The following CFAP46 variants were observed in gnomAD, a reference collection of about 807,000 sequenced individuals.
CFAP46 encodes cilia and flagella associated protein 46.
Under a neutral mutation model 325.7 loss-of-function variants are expected in CFAP46, and 245 were observed. That is an observed-to-expected ratio of 0.75 (90% CI 0.68 to 0.84). The LOEUF (loss-of-function observed/expected upper bound fraction) is 0.84, where lower values mean the gene tolerates loss of function less well. CFAP46 is among the 40% of genes least tolerant of loss of function. The pLI, the probability that CFAP46 is intolerant of heterozygous loss-of-function variation, is 0.00. For synonymous variants in CFAP46, 1,523 were observed against 1,495.9 expected (o/e 1.02, Z -0.42); for missense variants, 3,346 against 3,543.0 (o/e 0.94, Z 1.41).
chr10:132,883,666 T>C (rs577883099), intron 27 of CFAP46, among the ~76,000 whole-genome samples: 69 of 152,330 alleles, frequency 4.5e-4, no homozygotes, highest in African/African-American at 1.6e-3. Flanking sequence ...CGGGAGCAAA[T>C]GCTGACCACA....
chr10:132,861,998 G>C (rs950027071), intron 35 of CFAP46, among the ~76,000 whole-genome samples: 1 of 152,252 alleles, frequency 6.6e-6, no homozygotes, highest in African/African-American at 2.4e-5. Context: ...GCATGCCCCA[G>C]TTGTGCCCCT....
chr10:132,877,063 T>A lies in CFAP46; in HGVS notation c.4213-102A>T. ...CTGTGCAGCATTCAGGCCACAGCCC[T>A]GGGCAGCCGGCATCCTCCCCACCAC... On this transcript the variant is annotated intron_variant, in intron 30 of 57. Coordinates refer to ENST00000368586, the MANE Select transcript of CFAP46 (RefSeq NM_001200049.3). The surrounding 1 kb of genome is among the most constrained non-coding windows in gnomAD (Gnocchi z 5.7). 1 of 1,240,974 alleles carries A rather than the reference T, an allele frequency of 8.1e-7. No homozygotes were observed. The highest frequency in any genetic ancestry group is 1.1e-6 in the Non-Finnish European group (1 of 902,624). The allele number at this position is 1,240,974 out of a possible 1,614,324, so 76.9% of individuals were successfully genotyped here.
chr10:132,934,683 T>A lies in CFAP46; in HGVS notation c.866+69A>T, dbSNP rs1016377991. 11 of 1,110,580 alleles carry A rather than the reference T, an allele frequency of 9.9e-6. No individual in the cohort carries two copies. In the South Asian group the frequency reaches 1.3e-4, roughly 13 times the overall value. The allele number at this position is 1,110,580 out of a possible 1,614,324, so 68.8% of individuals were successfully genotyped here. ...TTGCTTGTTTTACATTTTTTCACAT[T>A]TTTCAGTGCCTGCTAAATTTTGTAC... On this transcript the variant is annotated intron_variant, in intron 8 of 57. Coordinates refer to ENST00000368586, the MANE Select transcript of CFAP46 (RefSeq NM_001200049.3).
intron 50 of CFAP46, among the ~76,000 whole-genome samples, chr10:132,818,077 G>T (rs569628609): frequency 2.0e-5 from 3 of 152,312 alleles, no homozygotes; most frequent in African/African-American, 7.2e-5. Flanking sequence ...CCAGGACCAC[G>T]CGACGTCGCA....
At chr10:132,940,961 A>G (rs1486152814) in intron 4 of CFAP46, 35 bp downstream of exon 4, 3 of 1,601,492 alleles carry the variant, frequency 1.9e-6, no homozygotes, top group African/African-American at 2.7e-5. Context: ...TCTTTCACCC[A>G]GTCAGTGAGA....
chr10:132,902,975 T>C, intron 22 of CFAP46, among the ~76,000 whole-genome samples: 1 of 147,888 alleles, frequency 6.8e-6, no homozygotes, highest in East Asian at 2.0e-4. Context: ...CTAAGGTGTG[T>C]CTTTCTGAAT....
At chr10:132,937,793 G>C in intron 5 of CFAP46, 118 bp from the exon 6 acceptor site, 1 of 1,391,360 alleles carries the variant, frequency 7.2e-7, no homozygotes, top group South Asian at 1.5e-5. Flanking sequence ...AGCTACCCTG[G>C]GGTCAGCTTC....
rs1006644563 is a variant in CFAP46, at chr10:132,876,089, G to A, written c.4362+723C>T. On this transcript the variant is annotated intron_variant, in intron 31 of 57. Transcript: ENST00000368586. The surrounding 1 kb of genome is among the most constrained non-coding windows in gnomAD (Gnocchi z 4.1). ...CACATCACAAAAGAGGACCTCCAAG[G>A]ATAGGAAGCACTGAAGGCCAACCTC... Among the ~76,000 whole-genome samples the A allele has an allele frequency of 3.9e-5, 6 of 152,256 alleles. No individual in the cohort carries two copies. The highest frequency in any genetic ancestry group is 1.2e-4 in the African/African-American group (5 of 41,472).
chr10:132,913,200 TC>T lies in CFAP46; in HGVS notation c.2178del (p.Ile727SerfsTer19). 1 of 1,550,454 alleles carries T rather than the reference TC, an allele frequency of 6.4e-7. No homozygotes were observed. The highest frequency in any genetic ancestry group is 8.7e-7 in the Non-Finnish European group (1 of 1,146,988). ...CACGCCTCCTGGATCTCCTGTCCGA[TC>T]TCTGCGGAGCGCAGCCAGTTATTCA... The part of the protein sequence containing the change: ...CAMNNWLRSA[E>X]IGQEIQEAWI... On this transcript the variant is annotated frameshift_variant, in exon 18 of 58. Transcript: ENST00000368586. LOFTEE classifies it high-confidence loss of function.
At chr10:132,823,191 G>GT (rs1847926119) in intron 50 of CFAP46, among the ~76,000 whole-genome samples, 1 of 143,476 alleles carries the variant, frequency 7.0e-6, no homozygotes. Flanking sequence ...GCTGTGTGCT[G>GT]ATGTGTGCTG....
At chr10:132,812,937 A>T (rs1847611720) in intron 54 of CFAP46, 40 bp from the exon 55 acceptor site, 1 of 1,524,608 alleles carries the variant, frequency 6.6e-7, no homozygotes, top group East Asian at 2.3e-5. Context: ...GTGCCCATGC[A>T]CCTGTACCAG....
At position 132,937,773 on chromosome 10, in the gene CFAP46, A is replaced by G; in HGVS notation, c.537-98T>C. 3 of 1,475,100 alleles carry G rather than the reference A, an allele frequency of 2.0e-6. No homozygotes were observed. The African/African-American group carries it at 4.2e-5, about 21-fold the overall frequency. 91.4% of individuals were successfully genotyped at this position (1,475,100 alleles called of 1,614,324 possible). On this transcript the variant is annotated intron_variant, in intron 5 of 57. Transcript: ENST00000368586. ...AACCATTACATATTTTGTGTTTCAC[A>G]AAGTTTAAAAGCTACCCTGGGGTCA...
rs139658285 is a variant in CFAP46 at position 132,883,836 on chromosome 10, T to C, written c.3627+1267A>G. Among the ~76,000 whole-genome samples the C allele has an allele frequency of 2.0e-5, 3 of 152,282 alleles. No individual in the cohort carries two copies. The East Asian group carries it at 5.8e-4, about 29-fold the overall frequency. On this transcript the variant is annotated intron_variant, in intron 27 of 57. Transcript: ENST00000368586. ...AGGACCACGTAATGCTTGGCTCTGT[T>C]TACAGAAAATGTCCAGATCTGTGGC... is the stretch of plus-strand genomic sequence containing the variant.
chr10:132,859,223 A>T lies in CFAP46; in HGVS notation c.5223T>A (p.Val1741=). Residue 1741 remains valine, a synonymous_variant, in exon 38 of 58, where the codon GTT becomes GTA. Transcript: ENST00000368586. ...EARCLSLRVR[V]AQHSAVTEPT... ...GTTCAGTGACCGCTGAGTGCTGCGC[A>T]ACTCTGACCCGCAGGCTCAGGCACC... 1 of 1,549,578 alleles carries T rather than the reference A, an allele frequency of 6.5e-7. No individual in the cohort carries two copies. Among genetic ancestry groups the T allele is most frequent in the Non-Finnish European group, 8.7e-7 (1 of 1,146,846 alleles).
intron 27 of CFAP46, among the ~76,000 whole-genome samples, chr10:132,882,598 C>A (rs569629837): frequency 6.6e-6 from 1 of 151,408 alleles, no homozygotes; most frequent in Non-Finnish European, 1.5e-5. Context: ...ACAGGTCTAG[C>A]GGGTGGGGGG....
chr10:132,942,167 C>T lies in CFAP46; in HGVS notation c.50-63G>A. 6 of 1,538,600 alleles carry T rather than the reference C, an allele frequency of 3.9e-6. No individual in the cohort carries two copies. In the Admixed American group the frequency reaches 1.0e-4, roughly 26 times the overall value. ...GGGCTGGGAGAAGTGAGCCGGGCAA[C>T]GCCATCCCGAAGGCCCCAGGCAGCC... On this transcript the variant is annotated intron_variant, in intron 1 of 57. Coordinates refer to ENST00000368586, the MANE Select transcript of CFAP46 (RefSeq NM_001200049.3).
At chr10:132,906,173 GC>G in intron 22 of CFAP46, among the ~76,000 whole-genome samples, 1 of 152,234 alleles carries the variant, frequency 6.6e-6, no homozygotes. Context: ...TCTCCCTCTA[GC>G]CCCCCTTGTG....
intron 35 of CFAP46, among the ~76,000 whole-genome samples, chr10:132,865,181 G>C (rs1056559266): frequency 1.3e-5 from 2 of 152,220 alleles, no homozygotes; most frequent in Non-Finnish European, 2.9e-5. Context: ...ATGTCACCAC[G>C]TGTCTGAGGT....
chr10:132,895,362 G>A (rs1849304838), intron 24 of CFAP46, among the ~76,000 whole-genome samples: 1 of 152,196 alleles, frequency 6.6e-6, no homozygotes. Context: ...ACATGCAATG[G>A]TGAGGCTGAA....
Sources: gnomAD v4.1 joint callset for allele counts (sites outside exome capture counted in the v4.1 genomes callset) on GRCh38, gnomAD v4.1.1 for gene constraint, Gnocchi (gnomAD v3.1) non-coding constraint, MANE v1.5 for transcripts, NCBI Gene and HGNC (gene_info 2026-07-23, HGNC 2026-07-21) for gene names.